Variants in NETO1 observed in about 807,000 individuals in gnomAD.
NETO1 encodes the protein neuropilin and tolloid-like protein 1.
In NETO1, 26 loss-of-function variants were observed where a neutral mutation model predicts 61.3. That is an observed-to-expected ratio of 0.42 (90% CI 0.31 to 0.59). The LOEUF (loss-of-function observed/expected upper bound fraction) is 0.59, where lower values mean the gene tolerates loss of function less well. Ranked by LOEUF, NETO1 falls within the 20% of genes least tolerant of loss-of-function variation. NETO1 has a pLI of 0.12. For missense variants in NETO1, 531 were observed against 662.8 expected (o/e 0.80, Z 2.18); for synonymous variants, 225 against 225.8 (o/e 1.00, Z 0.03).
At position 72,858,926 on chromosome 18, in the gene NETO1, T is replaced by A. The variant is rs1462930864; in HGVS notation, c.369A>T (p.Pro123=). ...ATCTTCCACTGGATTTTATGACAGG[T>A]GGATTTTGTTGTCCACAGAAACGTC... ...IIGRFCGQQN[P]PVIKSSGRFL... The change falls in exon 4 of 11, where the codon CCA becomes CCT. Residue 123 remains proline, a synonymous_variant. Transcript: ENST00000327305. 6.2e-7 allele frequency: 1 copy of A among 1,613,756 alleles called. No homozygotes were observed. The highest frequency in any genetic ancestry group is 1.7e-5 in the Admixed American group (1 of 59,996).
intron 9 of NETO1, among the ~76,000 whole-genome samples, chr18:72,749,777 C>T (rs943927416): frequency 6.6e-6 from 1 of 151,792 alleles, no homozygotes; most frequent in African/African-American, 2.4e-5. Flanking sequence ...TAAAAGCCAT[C>T]ATTTTATAAA....
intron 4 of NETO1, among the ~76,000 whole-genome samples, chr18:72,825,105 T>C (rs2073333693): frequency 1.3e-5 from 2 of 152,120 alleles, no homozygotes; most frequent in Admixed American, 6.5e-5. Flanking sequence ...ATTTAGGATA[T>C]GATGTTATAA....
chr18:72,859,664 C>T (rs1333841774), intron 3 of NETO1, among the ~76,000 whole-genome samples: 3 of 152,140 alleles, frequency 2.0e-5, no homozygotes, highest in Non-Finnish European at 4.4e-5. Context: ...GAATATCCTG[C>T]GTCCAGGACC....
At chr18:72,852,286 C>T (rs2074274092) in intron 4 of NETO1, among the ~76,000 whole-genome samples, 1 of 152,170 alleles carries the variant, frequency 6.6e-6, no homozygotes, top group Non-Finnish European at 1.5e-5. Context: ...ATGATCTCGG[C>T]TCACTGCAAC....
chr18:72,839,405 T>C (rs9949942), intron 4 of NETO1, among the ~76,000 whole-genome samples: 146,226 of 152,280 alleles, frequency 0.96, 70,296 homozygotes, highest in Non-Finnish European at 0.99. Context: ...ATAAATGTTC[T>C]TAAAAGCAGT....
intron 4 of NETO1, among the ~76,000 whole-genome samples, chr18:72,803,512 C>T (rs2072573547): frequency 6.6e-6 from 1 of 152,160 alleles, no homozygotes; most frequent in Admixed American, 6.5e-5. Flanking sequence ...AATCACCCCT[C>T]CCTGAAAAGG....
rs183367428 is a variant in NETO1, at chr18:72,794,271, C to A, written c.512-27G>T. The A allele has an allele frequency of 1.9e-6, 3 of 1,613,944 alleles. No homozygotes were observed. The East Asian group carries it at 6.7e-5, about 36-fold the overall frequency. On this transcript the variant is annotated intron_variant, in intron 5 of 10. Coordinates refer to ENST00000327305, the MANE Select transcript of NETO1 (RefSeq NM_138966.5). Reference sequence around the variant, plus strand: ...TAAATAACAAAATGCCAAACAAACACACAAAAACGGAGCTTGAATAATAAA... The same window carrying A: ...TAAATAACAAAATGCCAAACAAACAAACAAAAACGGAGCTTGAATAATAAA...
chr18:72,769,745 C>A (rs563038271), intron 7 of NETO1, among the ~76,000 whole-genome samples: 4 of 151,990 alleles, frequency 2.6e-5, no homozygotes, highest in Non-Finnish European at 4.4e-5. Context: ...GTAATGTACA[C>A]GTGTTCGCTA....
At chr18:72,825,891 T>C (rs76143621) in intron 4 of NETO1, among the ~76,000 whole-genome samples, 1 of 152,300 alleles carries the variant, frequency 6.6e-6, no homozygotes, top group South Asian at 2.1e-4. Context: ...AAACACTAGA[T>C]TTTTTTAGTA....
intron 10 of NETO1, 54 bp from the exon 11 acceptor site, chr18:72,748,218 T>C (rs2070475374): frequency 2.0e-6 from 2 of 981,058 alleles, no homozygotes. Flanking sequence ...TGCATACAAA[T>C]ACACCAATTT....
At chr18:72,790,961 C>T (rs1403185237) in intron 6 of NETO1, among the ~76,000 whole-genome samples, 1 of 151,876 alleles carries the variant, frequency 6.6e-6, no homozygotes, top group Middle Eastern at 3.2e-3. Context: ...GTTTTCCAGA[C>T]CAGATTATGA....
intron 1 of NETO1, chr18:72,865,623 G>A (rs1006130992): frequency 1.3e-6 from 2 of 1,598,692 alleles, no homozygotes; most frequent in African/African-American, 1.3e-5. Flanking sequence ...GGGGCCAGAA[G>A]GTAAAAAGGA....
chr18:72,828,049 ACGCCTGT>A (rs2073441839), intron 4 of NETO1, among the ~76,000 whole-genome samples: 1 of 152,216 alleles, frequency 6.6e-6, no homozygotes, highest in African/African-American at 2.4e-5. Flanking sequence ...GTGGTGGCTC[ACGCCTGT>A]AATCCCAACA....
chr18:72,803,821 C>CAA (rs373041913), intron 4 of NETO1, among the ~76,000 whole-genome samples: 2 of 122,498 alleles, frequency 1.6e-5, no homozygotes, highest in Non-Finnish European at 1.8e-5. Flanking sequence ...AACTCCGTAC[C>CAA]AAAAAAAAAA....
intron 4 of NETO1, among the ~76,000 whole-genome samples, chr18:72,821,497 G>C (rs2073197645): frequency 6.6e-6 from 1 of 151,110 alleles, no homozygotes; most frequent in South Asian, 2.1e-4. Flanking sequence ...CCTAGGAGGT[G>C]GAGGTTGCGG....
chr18:72,747,249 T>C lies in NETO1; in HGVS notation c.*930A>G, dbSNP rs934560476. On this transcript the variant is annotated 3_prime_UTR_variant, in exon 11 of 11. Coordinates refer to ENST00000327305, the MANE Select transcript of NETO1 (RefSeq NM_138966.5). ...TTAGGAAATTATTATACATTTTATATATATTTATATAAAAAGTCGTAAGTA... is the reference window on the plus strand; with the variant it reads ...TTAGGAAATTATTATACATTTTATACATATTTATATAAAAAGTCGTAAGTA... 2 of 151,926 alleles carry C rather than the reference T, an allele frequency of 1.3e-5. No individual in the cohort carries two copies. Among genetic ancestry groups the C allele is most frequent in the Admixed American group, 6.6e-5 (1 of 15,232 alleles). 9.4% of individuals were successfully genotyped at this position (151,926 alleles called of 1,614,324 possible).
chr18:72,766,218 ATATGTGTGTGTG>A (rs1239808788), intron 7 of NETO1, among the ~76,000 whole-genome samples: 2 of 75,300 alleles, frequency 2.7e-5, no homozygotes, highest in Non-Finnish European at 2.8e-5. Context: ...AAAAAAAAAA[ATATGTGTGTGTG>A]TGTGTGTGTG....
At chr18:72,846,227 A>C (rs2074078226) in intron 4 of NETO1, among the ~76,000 whole-genome samples, 1 of 151,730 alleles carries the variant, frequency 6.6e-6, no homozygotes, top group East Asian at 2.0e-4. Flanking sequence ...AGATGCGGCC[A>C]GGCGCTGTGG....
At chr18:72,772,759 C>CTATA (rs35617731) in intron 7 of NETO1, among the ~76,000 whole-genome samples, 1,357 of 102,278 alleles carry the variant, frequency 0.013, 57 homozygotes, top group African/African-American at 0.036. Flanking sequence ...CTATATATAT[C>CTATA]TATATATATA....
Sources: gnomAD v4.1 joint callset for allele counts (sites outside exome capture counted in the v4.1 genomes callset) on GRCh38, gnomAD v4.1.1 for gene constraint, MANE v1.5 for transcripts, NCBI Gene and HGNC (gene_info 2026-07-23, HGNC 2026-07-21) for gene names.